The following ADAMTS2 variants were observed in gnomAD, a reference collection of about 807,000 sequenced individuals.
The protein encoded by ADAMTS2 is ADAM metallopeptidase with thrombospondin type 1 motif 2, also known as A disintegrin and metalloproteinase with thrombospondin motifs 2.
In ADAMTS2, 50 loss-of-function variants were observed where a neutral mutation model predicts 123.0. The observed-to-expected ratio is 0.41, with a 90% CI of 0.32 to 0.51. The LOEUF is 0.51. Ranked by LOEUF, ADAMTS2 falls within the 20% of genes least tolerant of loss-of-function variation. ADAMTS2 has a pLI of 0.35. For synonymous variants in ADAMTS2, 678 were observed against 695.4 expected, an observed-to-expected ratio of 0.98 and a Z score of 0.39; for missense variants, 1,494 against 1,705.2, an observed-to-expected ratio of 0.88 and a Z score of 2.18.
rs1245710870 is a variant in ADAMTS2 at position 179,260,053 on chromosome 5, C to A, written c.688+12858G>T. Reference sequence around the variant, plus strand: ...GCATAGGGCCCTGCCGGATGGGTCACAAGCCGGCGAAGTCAGTCCTGCTCA... The same window carrying A: ...GCATAGGGCCCTGCCGGATGGGTCAAAAGCCGGCGAAGTCAGTCCTGCTCA... On this transcript the variant is annotated intron_variant, in intron 3 of 21. Coordinates refer to ENST00000251582, the MANE Select transcript of ADAMTS2 (RefSeq NM_014244.5). The surrounding 1 kb of genome is among the most constrained non-coding windows in gnomAD (Gnocchi z 4.2). Among the ~76,000 whole-genome samples the A allele has an allele frequency of 6.6e-6, 1 of 152,228 alleles. No individual in the cohort carries two copies. The highest frequency in any genetic ancestry group is 1.5e-5 in the Non-Finnish European group (1 of 68,042).
Position 179,132,586 on chromosome 5 carries a change from C to T in ADAMTS2, c.2209+191G>A, listed in dbSNP as rs1016969693. Among the ~76,000 whole-genome samples the T allele has an allele frequency of 3.9e-5, 6 of 152,074 alleles. No individual in the cohort carries two copies. Among genetic ancestry groups the T allele is most frequent in the African/African-American group, 1.4e-4 (6 of 41,420 alleles). Reference sequence around the variant, plus strand: ...CGGCCCCCACTCTCCTCTTCCCCACCCACCCTGGCACCCAGCTGGGGCTGT... The same window carrying T: ...CGGCCCCCACTCTCCTCTTCCCCACTCACCCTGGCACCCAGCTGGGGCTGT... On this transcript the variant is annotated intron_variant, in intron 14 of 21. Transcript: ENST00000251582. The surrounding 1 kb of genome is among the most constrained non-coding windows in gnomAD (Gnocchi z 6.1).
In ADAMTS2 at chr5:179,314,821, C is replaced by G. The variant is rs991614517; in HGVS notation, c.534+28946G>C. 3.3e-5 allele frequency among the ~76,000 whole-genome samples: 5 copies of G among 152,122 alleles called. No homozygotes were observed. The highest frequency in any genetic ancestry group is 1.2e-4 in the African/African-American group (5 of 41,416). On this transcript the variant is annotated intron_variant, in intron 2 of 21. Coordinates refer to ENST00000251582, the MANE Select transcript of ADAMTS2 (RefSeq NM_014244.5). The surrounding 1 kb of genome is among the most constrained non-coding windows in gnomAD (Gnocchi z 4.5). The stretch of plus-strand genomic sequence containing the variant: ...TACAGACAGGAGTCTTGGGCACACA[C>G]TTTTTTGTGCCAGGCCCAACCAAGA...
intron 2 of ADAMTS2, among the ~76,000 whole-genome samples, chr5:179,287,377 G>A (rs98070): frequency 0.18 from 27,301 of 152,226 alleles, 2,838 homozygotes; most frequent in African/African-American, 0.28. Flanking sequence ...CACAGCCGGT[G>A]GGTGGTGGAC....
intron 2 of ADAMTS2, among the ~76,000 whole-genome samples, chr5:179,296,300 C>CGGGCAGGGGCAATGCCGG (rs1561702184): frequency 6.6e-6 from 1 of 151,796 alleles, no homozygotes; most frequent in African/African-American, 2.4e-5. Flanking sequence ...GCTCAAGGGA[C>CGGGCAGGGGCAATGCCGG]GGGCAGGGGC....
chr5:179,213,084 CGACAGG>C (rs1764899347), intron 3 of ADAMTS2, among the ~76,000 whole-genome samples: 1 of 152,034 alleles, frequency 6.6e-6, no homozygotes, highest in South Asian at 2.1e-4. Flanking sequence ...CACTAGGGGA[CGACAGG>C]GACAGGGGCC....
intron 2 of ADAMTS2, among the ~76,000 whole-genome samples, chr5:179,304,921 AGAC>A (rs1247064016): frequency 2.6e-5 from 4 of 152,218 alleles, no homozygotes; most frequent in Admixed American, 2.6e-4. Flanking sequence ...TGAAAACTAC[AGAC>A]AAAAAAAAGT....
chr5:179,145,427 T>G (rs1763235059), intron 10 of ADAMTS2, among the ~76,000 whole-genome samples: 1 of 152,208 alleles, frequency 6.6e-6, no homozygotes. Context: ...CGAATGTTTG[T>G]GCGGTATTTC....
At chr5:179,200,395 C>T (rs779601540) in intron 4 of ADAMTS2, among the ~76,000 whole-genome samples, 11 of 151,972 alleles carry the variant, frequency 7.2e-5, no homozygotes, top group Admixed American at 2.0e-4. Flanking sequence ...ATTACAGGCA[C>T]GTGCCACCAC....
At position 179,132,564 on chromosome 5, in the gene ADAMTS2, C is replaced by G. The variant is rs113578133; in HGVS notation, c.2209+213G>C. Among the ~76,000 whole-genome samples, 4,741 of 152,040 alleles carry G rather than the reference C, an allele frequency of 0.031. 271 individuals carry two copies. Among genetic ancestry groups the G allele is most frequent in the African/African-American group, 0.11 (4,507 of 41,430 alleles). On this transcript the variant is annotated intron_variant, in intron 14 of 21. Coordinates refer to ENST00000251582, the MANE Select transcript of ADAMTS2 (RefSeq NM_014244.5). The surrounding 1 kb of genome is among the most constrained non-coding windows in gnomAD (Gnocchi z 6.1). ...TCCACTCTAACCCCTGTGACCCCGGCCCCCACTCTCCTCTTCCCCACCCAC... is the reference window on the plus strand; with the variant it reads ...TCCACTCTAACCCCTGTGACCCCGGGCCCCACTCTCCTCTTCCCCACCCAC...
Position 179,306,727 on chromosome 5 carries a change from C to T in ADAMTS2, c.535-33663G>A, listed in dbSNP as rs928781192. Among the ~76,000 whole-genome samples, 10 of 152,242 alleles carry T rather than the reference C, an allele frequency of 6.6e-5. No individual in the cohort carries two copies. The East Asian group carries it at 9.7e-4, about 15-fold the overall frequency. On this transcript the variant is annotated intron_variant, in intron 2 of 21. Transcript: ENST00000251582. Reference sequence around the variant, plus strand: ...ACTGGCCCCTAAAGCCTAGGGGAAGCGGGGGCCCTCCTGCTCCAGCCTCAT... The same window carrying T: ...ACTGGCCCCTAAAGCCTAGGGGAAGTGGGGGCCCTCCTGCTCCAGCCTCAT...
chr5:179,255,350 G>A (rs891794695), intron 3 of ADAMTS2, among the ~76,000 whole-genome samples: 1 of 152,140 alleles, frequency 6.6e-6, no homozygotes, highest in African/African-American at 2.4e-5. Flanking sequence ...CCATAGCAGC[G>A]TCATTTGTCA....
intron 3 of ADAMTS2, among the ~76,000 whole-genome samples, chr5:179,232,734 GTGA>G (rs1238614365): frequency 6.6e-6 from 1 of 152,036 alleles, no homozygotes; most frequent in Non-Finnish European, 1.5e-5. Flanking sequence ...CTTGTAGACT[GTGA>G]TGATCATATT....
At position 179,314,054 on chromosome 5, in the gene ADAMTS2, G is replaced by A. The variant is rs1343984725; in HGVS notation, c.534+29713C>T. Among the ~76,000 whole-genome samples the A allele has an allele frequency of 7.1e-6, 1 of 140,386 alleles. No homozygotes were observed. The highest frequency in any genetic ancestry group is 1.6e-5 in the Non-Finnish European group (1 of 63,682). 92.1% of individuals were successfully genotyped at this position (140,386 alleles called of 152,430 possible). The stretch of plus-strand genomic sequence containing the variant: ...CAGGAGTTCCCAGGCAGAACCTGAT[G>A]GTGGGGCGGGGGGGTTCCTCACACA... On this transcript the variant is annotated intron_variant, in intron 2 of 21. Coordinates refer to ENST00000251582, the MANE Select transcript of ADAMTS2 (RefSeq NM_014244.5). The surrounding 1 kb of genome is among the most constrained non-coding windows in gnomAD (Gnocchi z 4.5).
intron 4 of ADAMTS2, among the ~76,000 whole-genome samples, chr5:179,183,708 C>G (rs77778836): frequency 0.019 from 2,903 of 152,268 alleles, 96 homozygotes; most frequent in African/African-American, 0.065. Flanking sequence ...CAGGGCAAGC[C>G]CAGGGGGGCA....
At chr5:179,208,701 G>A (rs57207362) in intron 3 of ADAMTS2, among the ~76,000 whole-genome samples, 14,408 of 152,158 alleles carry the variant, frequency 0.095, 825 homozygotes, top group South Asian at 0.18. Flanking sequence ...CTGCAGCATC[G>A]ATGGCAGCCC....
Position 179,118,822 on chromosome 5 carries a change from G to C in ADAMTS2, c.3178+2839C>G, listed in dbSNP as rs373998902. Among the ~76,000 whole-genome samples the C allele has an allele frequency of 1.3e-5, 2 of 152,210 alleles. No homozygotes were observed. The highest frequency in any genetic ancestry group is 4.1e-4 in the South Asian group (2 of 4,832). ...CAGGCTAAAGCTGGTAGCAAGTGAG[G>C]CTTTCTTCCTGAGGTCACCATAAAG... On this transcript the variant is annotated intron_variant, in intron 21 of 21. Transcript: ENST00000251582. The surrounding 1 kb of genome is among the most constrained non-coding windows in gnomAD (Gnocchi z 4.5).
chr5:179,289,726 G>A (rs1164391098), intron 2 of ADAMTS2, among the ~76,000 whole-genome samples: 2 of 152,142 alleles, frequency 1.3e-5, no homozygotes, highest in East Asian at 1.9e-4. Flanking sequence ...AATGAAGAAG[G>A]GCATCACTGA....
chr5:179,195,004 C>G (rs189056287), intron 4 of ADAMTS2, among the ~76,000 whole-genome samples: 1 of 152,180 alleles, frequency 6.6e-6, no homozygotes. Flanking sequence ...CCTTTGCGCG[C>G]GCTGTGCCAC....
intron 4 of ADAMTS2, among the ~76,000 whole-genome samples, chr5:179,195,876 C>T (rs921529193): frequency 1.3e-5 from 2 of 152,224 alleles, no homozygotes; most frequent in African/African-American, 2.4e-5. Context: ...CCCCGCTTGC[C>T]TCCCCCCACT....
Sources: gnomAD v4.1 joint callset for allele counts (sites outside exome capture counted in the v4.1 genomes callset) on GRCh38, gnomAD v4.1.1 for gene constraint, Gnocchi (gnomAD v3.1) non-coding constraint, MANE v1.5 for transcripts, NCBI Gene and HGNC (gene_info 2026-07-23, HGNC 2026-07-21) for gene names.